RAB17: variants seen among roughly 807,000 people sequenced by gnomAD.
The protein encoded by RAB17 is RAB17, member RAS oncogene family.
In RAB17, 15 loss-of-function variants were observed where a neutral mutation model predicts 19.3. The observed-to-expected ratio is 0.78, with a 90% confidence interval of 0.52 to 1.20. RAB17 has a LOEUF of 1.20. Ranked by LOEUF, RAB17 falls within the 50% of genes most tolerant of loss-of-function variation. The pLI is 0.00. For synonymous variants in RAB17, 110 were observed against 112.8 expected, an observed-to-expected ratio of 0.97 and a Z score of 0.16; for missense variants, 262 against 269.3, an observed-to-expected ratio of 0.97 and a Z score of 0.19.
At position 237,574,399 on chromosome 2, in the gene RAB17, CAG is replaced by C; in HGVS notation, c.*618_*619del. On this transcript the variant is annotated 3_prime_UTR_variant, in exon 6 of 6. Coordinates refer to ENST00000264601, the MANE Select transcript of RAB17 (RefSeq NM_022449.4). ...AACTTATATCTCAGGCGAAATGTCT[CAG>C]AATCTTCCTGCTCATTGGACAGAAA... 1 of 1,534,958 alleles carries C rather than the reference CAG, an allele frequency of 6.5e-7. No individual in the cohort carries two copies. The highest frequency in any genetic ancestry group is 1.2e-5 in the South Asian group (1 of 82,068).
chr2:237,577,423 A>G, intron 3 of RAB17, 41 bp from the exon 4 acceptor site: 1 of 1,572,284 alleles, frequency 6.4e-7, no homozygotes, highest in Non-Finnish European at 8.6e-7. Context: ...CAAAACTTAT[A>G]GGTGGTCATT....
chr2:237,576,339 G>C (rs2081262857), intron 4 of RAB17, among the ~76,000 whole-genome samples: 1 of 152,076 alleles, frequency 6.6e-6, no homozygotes, highest in Non-Finnish European at 1.5e-5. Flanking sequence ...TCCAAGCCTT[G>C]AGTAACCTCG....
Position 237,577,372 on chromosome 2 carries a change from A to C in RAB17, c.320T>G (p.Leu107Arg), listed in dbSNP as rs1484250886. Residue 107 changes from leucine (L) to arginine (R), a missense_variant, in exon 4 of 6, where the codon CTC (leucine) becomes CGC (arginine). Coordinates refer to ENST00000264601, the MANE Select transcript of RAB17 (RefSeq NM_022449.4). ...VYDITRKDSF[L>R]KAQQWLKDLE... ...GTCCTTCAGCCACTGCTGAGCCTTGAGGAAGGAATCCTAGAAAAGAAGAAA... is the reference window on the plus strand; with the variant it reads ...GTCCTTCAGCCACTGCTGAGCCTTGCGGAAGGAATCCTAGAAAAGAAGAAA... 3 of 1,604,288 alleles carry C rather than the reference A, an allele frequency of 1.9e-6. No individual in the cohort carries two copies. The highest frequency in any genetic ancestry group is 2.6e-6 in the Non-Finnish European group (3 of 1,174,522).
At chr2:237,575,752 G>C (rs1261531006) in intron 4 of RAB17, 1 of 469,614 alleles carries the variant, frequency 2.1e-6, no homozygotes, top group African/African-American at 2.0e-5. Flanking sequence ...CCACCCCCAG[G>C]TTCCCCTCCC....
intron 2 of RAB17, among the ~76,000 whole-genome samples, chr2:237,580,993 C>T (rs1219020274): frequency 6.6e-6 from 1 of 152,212 alleles, no homozygotes; most frequent in Admixed American, 6.5e-5. Context: ...CACTCCGTGG[C>T]TCTGACCCGG....
intron 1 of RAB17, among the ~76,000 whole-genome samples, chr2:237,588,757 T>C (rs528286154): frequency 2.0e-5 from 3 of 152,320 alleles, no homozygotes; most frequent in Non-Finnish European, 4.4e-5. Context: ...CAAGTTCTCT[T>C]TGCTATTTAT....
intron 2 of RAB17, among the ~76,000 whole-genome samples, chr2:237,582,925 G>C (rs1406719481): frequency 6.6e-6 from 1 of 152,204 alleles, no homozygotes; most frequent in Non-Finnish European, 1.5e-5. Flanking sequence ...TGGCCAACAT[G>C]GTGAAACTCC....
intron 1 of RAB17, among the ~76,000 whole-genome samples, chr2:237,587,848 A>AAAG (rs2081362119): frequency 1.2e-5 from 1 of 86,452 alleles, no homozygotes; most frequent in Non-Finnish European, 2.1e-5. Flanking sequence ...AAAAAAAAAG[A>AAAG]AAAGAAAAAG....
At chr2:237,587,074 G>A (rs1027519134) in intron 1 of RAB17, among the ~76,000 whole-genome samples, 2 of 152,142 alleles carry the variant, frequency 1.3e-5, no homozygotes, top group Non-Finnish European at 2.9e-5. Context: ...TTGATACCGC[G>A]GTGGTTCAGG....
intron 3 of RAB17, 156 bp downstream of exon 3, chr2:237,577,848 T>TG: frequency 2.6e-6 from 2 of 781,840 alleles, no homozygotes; most frequent in Non-Finnish European, 2.1e-6. Context: ...TGGAGGAGGA[T>TG]GGGGGGTTGT....
At chr2:237,584,197 C>A (rs983872335) in intron 2 of RAB17, among the ~76,000 whole-genome samples, 4 of 152,088 alleles carry the variant, frequency 2.6e-5, no homozygotes, top group African/African-American at 9.7e-5. Context: ...CCCCCACCCC[C>A]ACCCAAGAAA....
At chr2:237,578,186 A>G (rs758311024) in intron 2 of RAB17, 31 bp from the exon 3 acceptor site, 2 of 1,583,968 alleles carry the variant, frequency 1.3e-6, no homozygotes, top group East Asian at 4.5e-5. Context: ...GGGCTTACTC[A>G]GAGGACGAGG....
intron 2 of RAB17, among the ~76,000 whole-genome samples, chr2:237,580,102 T>G (rs1014896484): frequency 6.6e-6 from 1 of 152,256 alleles, no homozygotes. Flanking sequence ...GCTGATCTGA[T>G]GGCAGCTTGC....
At position 237,574,708 on chromosome 2, in the gene RAB17, T is replaced by TC; in HGVS notation, c.*310dup. The TC allele has an allele frequency of 2.1e-6, 3 of 1,422,626 alleles. No homozygotes were observed. The highest frequency in any genetic ancestry group is 2.8e-6 in the Non-Finnish European group (3 of 1,088,028). The allele number at this position is 1,422,626 out of a possible 1,614,324, so 88.1% of individuals were successfully genotyped here. A position where few individuals can be genotyped will look rare whatever the true frequency, so the allele number is the denominator to read the frequency against. On this transcript the variant is annotated 3_prime_UTR_variant, in exon 6 of 6. Transcript: ENST00000264601. ...GTGCTGCGGGGACTTTTCCAATCCT[T>TC]CCTTCCTCTCTGTCCAGAGGCTGCC...
chr2:237,577,337 C>T lies in RAB17; in HGVS notation c.355G>A (p.Glu119Lys), dbSNP rs369949573. 6.2e-7 allele frequency: 1 copy of T among 1,613,774 alleles called. No homozygotes were observed. Among genetic ancestry groups the T allele is most frequent in the Non-Finnish European group, 8.5e-7 (1 of 1,179,846 alleles). ...ACCAGGACTTCTCCTGGGTGCAGCT[C>T]CTCCTCCAGGTCCTTCAGCCACTGC... ...AQQWLKDLEE[E>K]LHPGEVLVML... The change falls in exon 4 of 6, where the codon GAG (glutamate) becomes AAG (lysine). Residue 119 changes from glutamate to lysine, a missense_variant. Glu to Lys is a moderately conservative substitution (Grantham distance 56). Coordinates refer to ENST00000264601, the MANE Select transcript of RAB17 (RefSeq NM_022449.4).
At chr2:237,575,757 C>T in intron 4 of RAB17, 1 of 464,764 alleles carries the variant, frequency 2.2e-6, no homozygotes. Flanking sequence ...CCCAGGTTCC[C>T]CTCCCATCAT....
At chr2:237,577,647 G>T in intron 3 of RAB17, 2 of 486,986 alleles carry the variant, frequency 4.1e-6, no homozygotes, top group Non-Finnish European at 7.3e-6. Flanking sequence ...CAGCCACGGG[G>T]TATTTCAGGT....
rs568147088 is a variant in RAB17, at chr2:237,576,500, C to T, written c.435+757G>A. On this transcript the variant is annotated intron_variant, in intron 4 of 5. Transcript: ENST00000264601. The stretch of plus-strand genomic sequence containing the variant: ...TCCCTTTGCTCCCCTTGCTCTCCCC[C>T]GAGATTCTCCAAAATCTTCACCCCA... 1.4e-4 allele frequency: 64 copies of T among 453,016 alleles called. No homozygotes were observed. The East Asian group carries it at 1.6e-3, about 11-fold the overall frequency. 28.1% of individuals were successfully genotyped at this position (453,016 alleles called of 1,614,324 possible).
intron 2 of RAB17, among the ~76,000 whole-genome samples, chr2:237,585,774 T>A (rs1392912749): frequency 1.3e-5 from 2 of 152,184 alleles, no homozygotes; most frequent in Admixed American, 6.5e-5. Context: ...AGACTCCAGC[T>A]GAGCTGAAAC....
Sources: gnomAD v4.1 joint callset for allele counts (sites outside exome capture counted in the v4.1 genomes callset) on GRCh38, gnomAD v4.1.1 for gene constraint, MANE v1.5 for transcripts, NCBI Gene and HGNC (gene_info 2026-07-23, HGNC 2026-07-21) for gene names.